Variants in GALNT5 observed in about 807,000 individuals in gnomAD.
GALNT5 encodes polypeptide N-acetylgalactosaminyltransferase 5.
Under a neutral mutation model 85.4 loss-of-function variants are expected in GALNT5, and 72 were observed. The ratio of observed to expected loss-of-function variants is 0.84; its 90% CI spans 0.70 to 1.03. GALNT5 has a LOEUF of 1.03. GALNT5 is among the 50% of genes least tolerant of loss of function. The pLI, the probability that GALNT5 is intolerant of heterozygous loss-of-function variation, is 0.00. For synonymous variants in GALNT5, 404 were observed against 397.0 expected, an observed-to-expected ratio of 1.02 and a Z score of -0.21; for missense variants, 1,137 against 1,135.5, an observed-to-expected ratio of 1.00 and a Z score of -0.02.
chr2:157,306,176 A>G (rs1433456683), intron 8 of GALNT5, among the ~76,000 whole-genome samples: 2 of 152,262 alleles, frequency 1.3e-5, no homozygotes, highest in South Asian at 4.1e-4. Flanking sequence ...TGAAGCATGT[A>G]GAACAATACC....
At chr2:157,270,853 C>T (rs1323416489) in intron 1 of GALNT5, among the ~76,000 whole-genome samples, 3 of 152,178 alleles carry the variant, frequency 2.0e-5, no homozygotes, top group East Asian at 3.9e-4. Flanking sequence ...CAGTGGCTCA[C>T]GCCTGTAAAC....
chr2:157,276,892 A>G (rs1196972833), intron 1 of GALNT5, among the ~76,000 whole-genome samples: 2 of 152,060 alleles, frequency 1.3e-5, no homozygotes, highest in Admixed American at 1.3e-4. Flanking sequence ...TTGCTTGTCT[A>G]GTTCTTTTAA....
chr2:157,287,348 C>T (rs2105146393), intron 3 of GALNT5, among the ~76,000 whole-genome samples: 1 of 152,198 alleles, frequency 6.6e-6, no homozygotes, highest in Non-Finnish European at 1.5e-5. Context: ...ATTTAGCTGG[C>T]ATTCATGTGT....
At position 157,296,507 on chromosome 2, in the gene GALNT5, C is replaced by A; in HGVS notation, c.1991C>A (p.Thr664Lys). ...IAKNRIKETDTIRCPVMAGGL... is the reference protein window; with the variant it reads ...IAKNRIKETDKIRCPVMAGGL... ...AAAAACAGAATTAAAGAAACTGATA[C>A]AATAAGGTAAGTGTGGGAAATTTAA... The change falls in exon 5 of 10, where the codon ACA (threonine) becomes AAA (lysine). Residue 664 changes from threonine to lysine, a missense_variant. Transcript: ENST00000259056. The A allele has an allele frequency of 6.2e-7, 1 of 1,608,190 alleles. No homozygotes were observed.
Position 157,311,366 on chromosome 2 carries a change from T to A in GALNT5, c.*18T>A. 6.5e-7 allele frequency: 1 copy of A among 1,536,518 alleles called. No homozygotes were observed. On this transcript the variant is annotated 3_prime_UTR_variant, in exon 10 of 10. Transcript: ENST00000259056. Reference sequence around the variant, plus strand: ...AAGCCTGAAGTGTAACTGATGTTTTTATATAGTAAACCCATTAAATACTGT... The same window carrying A: ...AAGCCTGAAGTGTAACTGATGTTTTAATATAGTAAACCCATTAAATACTGT...
At chr2:157,307,920 G>C (rs1683488015) in intron 8 of GALNT5, among the ~76,000 whole-genome samples, 2 of 152,126 alleles carry the variant, frequency 1.3e-5, no homozygotes, top group African/African-American at 4.8e-5. Flanking sequence ...TACCTGAATT[G>C]GTACTTATTT....
intron 1 of GALNT5, among the ~76,000 whole-genome samples, chr2:157,280,607 G>A (rs1225713494): frequency 6.6e-6 from 1 of 152,230 alleles, no homozygotes; most frequent in Non-Finnish European, 1.5e-5. Context: ...GTATCAAGGA[G>A]TGAGGTGCTG....
intron 3 of GALNT5, 37 bp from the exon 4 acceptor site, chr2:157,295,626 T>C (rs1172395978): frequency 6.4e-7 from 1 of 1,571,660 alleles, no homozygotes; most frequent in South Asian, 1.1e-5. Context: ...CAATATATCG[T>C]ATTTTCTAAG....
chr2:157,296,634 C>T, intron 5 of GALNT5, 121 bp downstream of exon 5: 1 of 712,842 alleles, frequency 1.4e-6, no homozygotes, highest in African/African-American at 1.8e-5. Flanking sequence ...ACAGTTCTAG[C>T]CAATAGATTA....
intron 7 of GALNT5, chr2:157,301,724 C>T (rs988398182): frequency 6.6e-6 from 1 of 152,274 alleles, no homozygotes; most frequent in Admixed American, 6.5e-5. Context: ...CTTCTGAAAG[C>T]AGTGGGAAGT....
At chr2:157,307,379 C>T (rs893343241) in intron 8 of GALNT5, among the ~76,000 whole-genome samples, 12 of 152,192 alleles carry the variant, frequency 7.9e-5, no homozygotes, top group South Asian at 2.1e-4. Flanking sequence ...AAGCTCTATC[C>T]CTTACCTTAC....
intron 1 of GALNT5, among the ~76,000 whole-genome samples, chr2:157,268,740 A>G (rs1574013192): frequency 6.6e-6 from 1 of 152,306 alleles, no homozygotes; most frequent in African/African-American, 2.4e-5. Flanking sequence ...TAGAGGCCCC[A>G]TTTGTTTTTA....
chr2:157,295,611 A>G lies in GALNT5; in HGVS notation c.1742-52A>G, dbSNP rs371865196. On this transcript the variant is annotated intron_variant, in intron 3 of 9. Coordinates refer to ENST00000259056, the MANE Select transcript of GALNT5 (RefSeq NM_014568.3). ...CAATACCTTTGAACATGAAGTACAC[A>G]CATTCAATATATCGTATTTTCTAAG... The G allele has an allele frequency of 4.8e-6, 7 of 1,461,348 alleles. No individual in the cohort carries two copies. The African/African-American group carries it at 9.8e-5, about 21-fold the overall frequency. 90.5% of individuals were successfully genotyped at this position (1,461,348 alleles called of 1,614,324 possible).
chr2:157,262,634 AAACAACAACAACAAC>A (rs201143254), intron 1 of GALNT5, among the ~76,000 whole-genome samples: 3 of 136,972 alleles, frequency 2.2e-5, no homozygotes, highest in Non-Finnish European at 1.5e-5. Context: ...TTGTCTCAGA[AAACAACAACAACAAC>A]AACAACAACA....
intron 1 of GALNT5, among the ~76,000 whole-genome samples, chr2:157,278,262 C>T (rs1682782630): frequency 6.6e-6 from 1 of 152,186 alleles, no homozygotes; most frequent in Admixed American, 6.5e-5. Flanking sequence ...ACATTTTTCC[C>T]TTCATTTCAA....
At chr2:157,292,434 C>CA (rs1218632365) in intron 3 of GALNT5, among the ~76,000 whole-genome samples, 1 of 152,146 alleles carries the variant, frequency 6.6e-6, no homozygotes, top group African/African-American at 2.4e-5. Context: ...TCCTCTTCCC[C>CA]AAAATAAAAC....
At chr2:157,287,100 T>C (rs1682994406) in intron 3 of GALNT5, among the ~76,000 whole-genome samples, 2 of 152,194 alleles carry the variant, frequency 1.3e-5, no homozygotes, top group South Asian at 4.1e-4. Context: ...AGGCATATAA[T>C]ATAACATAAT....
At chr2:157,261,988 G>A (rs983482413) in intron 1 of GALNT5, among the ~76,000 whole-genome samples, 2 of 152,084 alleles carry the variant, frequency 1.3e-5, no homozygotes, top group Non-Finnish European at 2.9e-5. Context: ...GAGTACATGT[G>A]TGTGAAAGAA....
rs961515465 is a variant in GALNT5 at position 157,312,606 on chromosome 2, A to G, written c.*1258A>G. On this transcript the variant is annotated 3_prime_UTR_variant, in exon 10 of 10. Transcript: ENST00000259056. The stretch of plus-strand genomic sequence containing the variant: ...CCAATACTTTGGCATACCAGAAGAC[A>G]CCTTAGAAATCAGGATAGCCTTTGC... 6.6e-6 allele frequency: 1 copy of G among 152,202 alleles called. No individual in the cohort carries two copies. The highest frequency in any genetic ancestry group is 2.4e-5 in the African/African-American group (1 of 41,472). The allele number at this position is 152,202 out of a possible 1,614,324, so 9.4% of individuals were successfully genotyped here. A position where few individuals can be genotyped will look rare whatever the true frequency, so the allele number is the denominator to read the frequency against.
Sources: allele counts gnomAD v4.1 joint callset (sites outside exome capture counted in the v4.1 genomes callset), GRCh38; gene constraint gnomAD v4.1.1; transcripts MANE v1.5; gene names NCBI Gene and HGNC (gene_info 2026-07-23, HGNC 2026-07-21).